The following RBPJ variants were observed in gnomAD, a reference collection of about 807,000 sequenced individuals.
The protein encoded by RBPJ is recombination signal binding protein for immunoglobulin kappa J region, also known as recombining binding protein suppressor of hairless.
RBPJ carries 9 observed loss-of-function variants against 67.8 expected under a neutral mutation model. The ratio of observed to expected loss-of-function variants is 0.13; its 90% CI spans 0.08 to 0.23. RBPJ has a LOEUF of 0.23. Among genes scored for constraint, RBPJ ranks in the 10% least tolerant of loss-of-function variants. RBPJ has a pLI of 1.00. For missense variants in RBPJ, 305 were observed against 595.6 expected (o/e 0.51, Z 5.08); for synonymous variants, 198 against 203.3 (o/e 0.97, Z 0.22).
At chr4:26,311,978 A>C (rs990394965) in intron 1 of RBPJ, among the ~76,000 whole-genome samples, 6 of 152,090 alleles carry the variant, frequency 3.9e-5, no homozygotes, top group African/African-American at 1.4e-4. Context: ...TTGCATCAGA[A>C]TCTCTGAGCA....
intron 1 of RBPJ, among the ~76,000 whole-genome samples, chr4:26,361,894 G>A (rs1286492450): frequency 6.6e-6 from 1 of 152,198 alleles, no homozygotes; most frequent in Non-Finnish European, 1.5e-5. Flanking sequence ...TCAGAGAATG[G>A]CGGTAAAACT....
intron 1 of RBPJ, among the ~76,000 whole-genome samples, chr4:26,227,785 C>T (rs534583759): frequency 1.3e-5 from 2 of 152,340 alleles, no homozygotes; most frequent in South Asian, 2.1e-4. Flanking sequence ...GTCCGAGTGC[C>T]GCTGACACAT....
At chr4:26,306,152 A>G (rs956281465) in intron 1 of RBPJ, among the ~76,000 whole-genome samples, 1 of 152,162 alleles carries the variant, frequency 6.6e-6, no homozygotes, top group East Asian at 1.9e-4. Flanking sequence ...GAAGATACAG[A>G]CACTTTTACT....
At chr4:26,232,019 G>A (rs1719306528) in intron 1 of RBPJ, among the ~76,000 whole-genome samples, 1 of 151,434 alleles carries the variant, frequency 6.6e-6, no homozygotes, top group Admixed American at 6.6e-5. Context: ...AGCCTCCCAA[G>A]TATCTGGGAC....
intron 1 of RBPJ, among the ~76,000 whole-genome samples, chr4:26,210,282 G>A (rs1193438719): frequency 2.0e-5 from 3 of 152,016 alleles, no homozygotes; most frequent in Non-Finnish European, 1.5e-5. Context: ...TTCCCTTTCC[G>A]CACAGGATCC....
At chr4:26,303,217 TAATA>T (rs1295446861) in intron 1 of RBPJ, among the ~76,000 whole-genome samples, 2 of 132,116 alleles carry the variant, frequency 1.5e-5, no homozygotes, top group African/African-American at 5.6e-5. Context: ...AATAAATAAA[TAATA>T]AATGAATAAA....
intron 2 of RBPJ, among the ~76,000 whole-genome samples, chr4:26,388,126 A>G (rs573837482): frequency 5.3e-5 from 8 of 152,180 alleles, no homozygotes; most frequent in Non-Finnish European, 7.3e-5. Flanking sequence ...GACACAGATA[A>G]TAGAATTATT....
At chr4:26,263,822 A>C (rs1720620807) in intron 1 of RBPJ, among the ~76,000 whole-genome samples, 2 of 150,220 alleles carry the variant, frequency 1.3e-5, no homozygotes, top group Admixed American at 1.3e-4. Flanking sequence ...TGCCCACCTC[A>C]GTCTCCCAAA....
At chr4:26,213,488 G>A (rs996784701) in intron 1 of RBPJ, among the ~76,000 whole-genome samples, 1 of 152,154 alleles carries the variant, frequency 6.6e-6, no homozygotes, top group Non-Finnish European at 1.5e-5. Flanking sequence ...CACAGTAGAT[G>A]CAAATGCCCT....
At chr4:26,208,998 T>A (rs1718266184) in intron 1 of RBPJ, among the ~76,000 whole-genome samples, 1 of 152,088 alleles carries the variant, frequency 6.6e-6, no homozygotes. Context: ...TGTTCCTTAT[T>A]CATTTTTTCT....
At chr4:26,241,149 G>T (rs896467491) in intron 1 of RBPJ, among the ~76,000 whole-genome samples, 3 of 151,076 alleles carry the variant, frequency 2.0e-5, no homozygotes, top group African/African-American at 7.3e-5. Context: ...GTGAGCCAAG[G>T]TCGCACCATT....
At chr4:26,150,620 G>A in the RBPJ span, among the ~76,000 whole-genome samples, 1 of 152,196 alleles carries the variant, frequency 6.6e-6, no homozygotes, top group African/African-American at 2.4e-5. Context: ...AGGGATTGTT[G>A]TAACAGTCTC....
chr4:26,238,782 A>G (rs1348102609), intron 1 of RBPJ, among the ~76,000 whole-genome samples: 1 of 152,126 alleles, frequency 6.6e-6, no homozygotes, highest in African/African-American at 2.4e-5. Context: ...ATCTAGAGAC[A>G]AGGAGGCAGG....
intron 7 of RBPJ, 57 bp from the exon 8 acceptor site, chr4:26,428,663 C>T (rs1735922808): frequency 7.1e-7 from 1 of 1,400,476 alleles, no homozygotes; most frequent in Non-Finnish European, 1.0e-6. Context: ...ATGTTTTACA[C>T]AAGGAAAATC....
At chr4:26,394,316 C>G (rs1358620111) in intron 2 of RBPJ, among the ~76,000 whole-genome samples, 1 of 152,098 alleles carries the variant, frequency 6.6e-6, no homozygotes, top group Admixed American at 6.5e-5. Flanking sequence ...CGTGAGCCAC[C>G]ACGCCCAGCC....
At chr4:26,256,166 C>T (rs1055670048) in intron 1 of RBPJ, among the ~76,000 whole-genome samples, 1 of 152,020 alleles carries the variant, frequency 6.6e-6, no homozygotes, top group African/African-American at 2.4e-5. Flanking sequence ...ATCACAACCA[C>T]ATGTTATAGT....
intron 1 of RBPJ, among the ~76,000 whole-genome samples, chr4:26,254,334 A>T (rs1720220885): frequency 6.7e-6 from 1 of 148,882 alleles, no homozygotes; most frequent in Admixed American, 6.6e-5. Flanking sequence ...CTCCATGTAC[A>T]CGACTATCCC....
intron 1 of RBPJ, among the ~76,000 whole-genome samples, chr4:26,259,998 TA>T (rs904913151): frequency 6.6e-6 from 1 of 152,236 alleles, no homozygotes; most frequent in African/African-American, 2.4e-5. Context: ...CATGTCATGA[TA>T]GGGGCCCTTT....
the RBPJ span, among the ~76,000 whole-genome samples, chr4:26,121,377 T>G: frequency 6.6e-6 from 1 of 152,024 alleles, no homozygotes. Context: ...AACCCTAGAA[T>G]GGAAGCATCT....
Sources: allele counts gnomAD v4.1 joint callset (sites outside exome capture counted in the v4.1 genomes callset), GRCh38; gene constraint gnomAD v4.1.1; transcripts MANE v1.5; gene names NCBI Gene and HGNC (gene_info 2026-07-23, HGNC 2026-07-21).